The following GRIP1 variants were observed in gnomAD, a reference collection of about 807,000 sequenced individuals.
The protein encoded by GRIP1 is glutamate receptor interacting protein 1.
In GRIP1, 45 loss-of-function variants were observed where a neutral mutation model predicts 129.9. That is an observed-to-expected ratio of 0.35 (90% CI 0.27 to 0.44). The LOEUF is 0.44. Among genes scored for constraint, GRIP1 ranks in the 20% least tolerant of loss-of-function variants. The pLI is 1.00. For missense variants in GRIP1, 1,196 were observed against 1,396.8 expected (o/e 0.86, Z 2.29); for synonymous variants, 530 against 520.8 (o/e 1.02, Z -0.24).
intron 1 of GRIP1, among the ~76,000 whole-genome samples, chr12:67,030,095 C>T (rs2135774814): frequency 6.6e-6 from 1 of 150,582 alleles, no homozygotes; most frequent in Admixed American, 6.6e-5. Context: ...CCTGTAGTCC[C>T]AGCTACTGGG....
At chr12:66,982,707 C>T (rs776615431) in intron 1 of GRIP1, among the ~76,000 whole-genome samples, 1 of 152,164 alleles carries the variant, frequency 6.6e-6, no homozygotes, top group Non-Finnish European at 1.5e-5. Context: ...CCAGTCAAGT[C>T]TTCAAATGAA....
chr12:66,473,949 C>G (rs2059524170), intron 7 of GRIP1, among the ~76,000 whole-genome samples: 1 of 152,058 alleles, frequency 6.6e-6, no homozygotes, highest in Admixed American at 6.5e-5. Context: ...AGCTCCTCGC[C>G]AGCAAGGGAA....
intron 1 of GRIP1, among the ~76,000 whole-genome samples, chr12:67,065,938 C>T (rs917734874): frequency 3.3e-5 from 5 of 152,196 alleles, no homozygotes; most frequent in African/African-American, 9.7e-5. Flanking sequence ...AAAACATTTA[C>T]CCCAAAGTGT....
chr12:66,568,886 T>C (rs1199335924), intron 2 of GRIP1: 3 of 498,384 alleles, frequency 6.0e-6, no homozygotes, highest in Non-Finnish European at 1.2e-5. Context: ...TCTTATGCAG[T>C]TGAGTAGGTT....
chr12:66,905,621 G>A (rs76338835), intron 1 of GRIP1, among the ~76,000 whole-genome samples: 2,077 of 152,158 alleles, frequency 0.014, 53 homozygotes, highest in African/African-American at 0.047. Flanking sequence ...ACTACACATC[G>A]ACCCAAAATT....
In GRIP1 at chr12:66,544,861, T is replaced by C. The variant is rs186318029; in HGVS notation, c.137-2911A>G. Reference sequence around the variant, plus strand: ...CCCTTTTTGGTGTTTAATGTTTGCATAGTGATCTAACGAAGACAGAAGAAA... The same window carrying C: ...CCCTTTTTGGTGTTTAATGTTTGCACAGTGATCTAACGAAGACAGAAGAAA... On this transcript the variant is annotated intron_variant, in intron 2 of 24. Transcript: ENST00000359742. Among the ~76,000 whole-genome samples the C allele has an allele frequency of 4.6e-5, 7 of 152,274 alleles. No individual in the cohort carries two copies. In the East Asian group the frequency reaches 1.4e-3, roughly 29 times the overall value.
rs2034867424 is a variant in GRIP1, at chr12:66,688,672, A to G, written c.-419-58336T>C. On this transcript the variant is annotated intron_variant, in intron 1 of 4. Coordinates refer to the GRIP1 transcript ENST00000538373. Reference sequence around the variant, plus strand: ...GGGTCCTTTTCTTTCACTTAAAAAAACAGTGCCTATTATTTTCCACTTTAT... The same window carrying G: ...GGGTCCTTTTCTTTCACTTAAAAAAGCAGTGCCTATTATTTTCCACTTTAT... Among the ~76,000 whole-genome samples the G allele has an allele frequency of 7.2e-5, 11 of 152,258 alleles. No homozygotes were observed. The South Asian group carries it at 2.1e-3, about 29-fold the overall frequency.
intron 2 of GRIP1, among the ~76,000 whole-genome samples, chr12:66,551,762 T>TGTA (rs1478714172): frequency 6.6e-5 from 10 of 151,860 alleles, no homozygotes; most frequent in African/African-American, 2.4e-4. Flanking sequence ...TTGTTGTTGT[T>TGTA]GTACAGATGG....
chr12:66,459,427 A>G lies in GRIP1; in HGVS notation c.1043-3085T>C, dbSNP rs2059068745. ...TTCACAAAGTACCATCTGTGTTTCAAATGAAGCCAGGGTACGGTGAATGCA... is the reference window on the plus strand; with the variant it reads ...TTCACAAAGTACCATCTGTGTTTCAGATGAAGCCAGGGTACGGTGAATGCA... On this transcript the variant is annotated intron_variant, in intron 9 of 24. Transcript: ENST00000359742. Among the ~76,000 whole-genome samples, 2 of 152,152 alleles carry G rather than the reference A, an allele frequency of 1.3e-5. 1 individual carries two copies. The highest frequency in any genetic ancestry group is 4.1e-4 in the South Asian group (2 of 4,824).
intron 1 of GRIP1, among the ~76,000 whole-genome samples, chr12:66,907,251 C>T (rs2040949331): frequency 1.3e-5 from 2 of 152,126 alleles, no homozygotes; most frequent in South Asian, 4.1e-4. Flanking sequence ...AGAAAGATGA[C>T]ATTTGAACTG....
chr12:66,492,924 C>T (rs146531566), intron 7 of GRIP1, among the ~76,000 whole-genome samples: 1,530 of 152,174 alleles, frequency 0.01, 28 homozygotes, highest in African/African-American at 0.035. Flanking sequence ...GCAGGAGAAT[C>T]GCTTGAACTC....
intron 1 of GRIP1, among the ~76,000 whole-genome samples, chr12:66,663,699 C>A (rs1236659098): frequency 1.3e-5 from 2 of 152,120 alleles, no homozygotes; most frequent in African/African-American, 4.8e-5. Flanking sequence ...ATTTTTGTAA[C>A]AAAGTGAAAA....
chr12:66,364,373 A>C (rs993674720), intron 23 of GRIP1, among the ~76,000 whole-genome samples: 5 of 152,056 alleles, frequency 3.3e-5, no homozygotes, highest in Admixed American at 1.3e-4. Context: ...CCTCAAACTC[A>C]GTAAGCCAAA....
At chr12:66,904,273 T>C (rs144817337) in intron 1 of GRIP1, among the ~76,000 whole-genome samples, 206 of 152,354 alleles carry the variant, frequency 1.4e-3, no homozygotes, top group African/African-American at 4.5e-3. Flanking sequence ...TGCACATCAG[T>C]TATTGAACAA....
chr12:66,940,424 A>T (rs2041566050), intron 1 of GRIP1, among the ~76,000 whole-genome samples: 1 of 152,022 alleles, frequency 6.6e-6, no homozygotes, highest in Admixed American at 6.6e-5. Flanking sequence ...TGCACTCCCA[A>T]CCTAGTCACG....
At chr12:66,669,305 T>C (rs796235165) in intron 1 of GRIP1, among the ~76,000 whole-genome samples, 5 of 152,152 alleles carry the variant, frequency 3.3e-5, no homozygotes, top group African/African-American at 1.2e-4. Context: ...AGAGAATCAC[T>C]TGAACCCAGG....
intron 1 of GRIP1, among the ~76,000 whole-genome samples, chr12:66,943,093 G>A (rs2041612996): frequency 6.6e-6 from 1 of 152,152 alleles, no homozygotes; most frequent in Admixed American, 6.5e-5. Flanking sequence ...GTAAAAATTT[G>A]GGAGATTCTT....
intron 1 of GRIP1, among the ~76,000 whole-genome samples, chr12:66,875,883 C>A (rs911307383): frequency 6.6e-6 from 1 of 152,020 alleles, no homozygotes; most frequent in African/African-American, 2.4e-5. Context: ...ATCATTAAAG[C>A]AGCTAAATTC....
chr12:66,811,407 T>C (rs779510584), intron 1 of GRIP1, among the ~76,000 whole-genome samples: 5 of 152,242 alleles, frequency 3.3e-5, no homozygotes, highest in Admixed American at 6.5e-5. Flanking sequence ...AAGTCTCTTC[T>C]AGCTACAAGA....
Sources: gnomAD v4.1 joint callset for allele counts (sites outside exome capture counted in the v4.1 genomes callset) on GRCh38, gnomAD v4.1.1 for gene constraint, MANE v1.5 for transcripts, NCBI Gene and HGNC (gene_info 2026-07-23, HGNC 2026-07-21) for gene names.